The following MAPKBP1 variants were observed in gnomAD, a reference collection of about 807,000 sequenced individuals.
MAPKBP1 encodes the protein mitogen-activated protein kinase-binding protein 1.
In MAPKBP1, 71 loss-of-function variants were observed where a neutral mutation model predicts 170.5. The observed-to-expected ratio is 0.42, with a 90% CI of 0.34 to 0.51. MAPKBP1 has a LOEUF of 0.51. MAPKBP1 is among the 20% of genes least tolerant of loss of function. The pLI is 0.06. For missense variants in MAPKBP1, 1,598 were observed against 1,933.0 expected, an observed-to-expected ratio of 0.83 and a Z score of 3.25; for synonymous variants, 719 against 757.9, an observed-to-expected ratio of 0.95 and a Z score of 0.84.
intron 2 of MAPKBP1, among the ~76,000 whole-genome samples, chr15:41,793,299 A>G (rs529653080): frequency 6.6e-6 from 1 of 152,234 alleles, no homozygotes; most frequent in South Asian, 2.1e-4. Context: ...CATACTGGCT[A>G]ACACGGTGAA....
rs986878024 is a variant in MAPKBP1 at position 41,809,604 on chromosome 15, G to A, written c.207-1279G>A. 2.6e-5 allele frequency among the ~76,000 whole-genome samples: 4 copies of A among 152,326 alleles called. No homozygotes were observed. In the South Asian group the frequency reaches 8.3e-4, roughly 32 times the overall value. ...TGCCTTTCCTATTCGCAGTCTCCAGGCTTGCTCTTGTCTGCTATTTCCAGT... is the reference window on the plus strand; with the variant it reads ...TGCCTTTCCTATTCGCAGTCTCCAGACTTGCTCTTGTCTGCTATTTCCAGT... On this transcript the variant is annotated intron_variant, in intron 3 of 30. Coordinates refer to ENST00000457542, the MANE Select transcript of MAPKBP1 (RefSeq NM_014994.3).
chr15:41,813,632 C>G lies in MAPKBP1; in HGVS notation c.831C>G (p.Ala277=), dbSNP rs774738682. ...CACTCTGCCCACAGACCACAGTGGC[C>G]CACTGCATCTCTGTGAGCCAAGACT... The part of the protein sequence containing the change: ...DKWVELRTTV[A]HCISVSQDYI... Residue 277 remains alanine, a synonymous_variant, in exon 9 of 31, where the codon GCC becomes GCG. Coordinates refer to ENST00000457542, the MANE Select transcript of MAPKBP1 (RefSeq NM_014994.3). 3.7e-6 allele frequency: 6 copies of G among 1,613,918 alleles called. No homozygotes were observed. The South Asian group carries it at 5.5e-5, about 15-fold the overall frequency.
chr15:41,821,821 G>A (rs1406978632), intron 24 of MAPKBP1, 71 bp downstream of exon 24: 8 of 1,596,574 alleles, frequency 5.0e-6, no homozygotes, highest in Non-Finnish European at 6.0e-6. Context: ...TTAGTCGAGG[G>A]AGGGTTGGCC....
intron 2 of MAPKBP1, among the ~76,000 whole-genome samples, chr15:41,786,473 T>C (rs1182162163): frequency 6.6e-6 from 1 of 151,968 alleles, no homozygotes; most frequent in African/African-American, 2.4e-5. Flanking sequence ...TTGAAAAATA[T>C]ATCTGGTATA....
intron 2 of MAPKBP1, among the ~76,000 whole-genome samples, chr15:41,783,278 CTT>C (rs1017210661): frequency 1.6e-4 from 25 of 152,168 alleles, no homozygotes; most frequent in African/African-American, 6.0e-4. Flanking sequence ...TTTGTTATCT[CTT>C]GTTAGCATAC....
intron 2 of MAPKBP1, among the ~76,000 whole-genome samples, chr15:41,792,602 T>G (rs1035076485): frequency 6.6e-5 from 10 of 152,164 alleles, no homozygotes; most frequent in African/African-American, 2.4e-4. Context: ...GAAGCAGTGT[T>G]CCTAGAGCTG....
At position 41,826,800 on chromosome 15, in the gene MAPKBP1, T is replaced by C. The variant is rs1395568139; in HGVS notation, c.*1364T>C. The stretch of plus-strand genomic sequence containing the variant: ...AAGTTAGAATGTAAAAGGGCAGTAA[T>C]TAGGGGTGAGGGAAAGGAGATAGGG... On this transcript the variant is annotated 3_prime_UTR_variant, in exon 31 of 31. Transcript: ENST00000457542. 1 of 151,868 alleles carries C rather than the reference T, an allele frequency of 6.6e-6. No homozygotes were observed. The highest frequency in any genetic ancestry group is 6.6e-5 in the Admixed American group (1 of 15,212). 9.4% of individuals were successfully genotyped at this position (151,868 alleles called of 1,614,324 possible). A position where few individuals can be genotyped will look rare whatever the true frequency, so the allele number is the denominator to read the frequency against.
At position 41,825,576 on chromosome 15, in the gene MAPKBP1, G is replaced by A. The variant is rs879182251; in HGVS notation, c.*140G>A. The A allele has an allele frequency of 7.6e-6, 5 of 657,716 alleles. No individual in the cohort carries two copies. The highest frequency in any genetic ancestry group is 1.0e-5 in the Non-Finnish European group (4 of 399,312). 40.7% of individuals were successfully genotyped at this position (657,716 alleles called of 1,614,324 possible). ...CAGAGGCAAAGCAGCCTTCCCAGCC[G>A]CTCCTCGTGGGGGGCCTGTATTTAT... On this transcript the variant is annotated 3_prime_UTR_variant, in exon 31 of 31. Transcript: ENST00000457542.
intron 3 of MAPKBP1, among the ~76,000 whole-genome samples, chr15:41,807,695 G>T (rs1214196810): frequency 6.6e-6 from 1 of 152,138 alleles, no homozygotes; most frequent in African/African-American, 2.4e-5. Context: ...GATAGTGGCA[G>T]GCCTGGGGCT....
Position 41,775,409 on chromosome 15 carries a change from A to C in MAPKBP1, c.114+20A>C. 1 of 1,582,736 alleles carries C rather than the reference A, an allele frequency of 6.3e-7. No homozygotes were observed. Among genetic ancestry groups the C allele is most frequent in the Non-Finnish European group, 8.7e-7 (1 of 1,151,522 alleles). On this transcript the variant is annotated intron_variant, in intron 2 of 30. Transcript: ENST00000457542. The stretch of plus-strand genomic sequence containing the variant: ...TCCAAGGTGAGTCCTGTTGGGATCC[A>C]CCTCTTTCCAAACCCACCCTCTCCT...
At chr15:41,812,752 C>A in intron 7 of MAPKBP1, 99 bp downstream of exon 7, 6 of 1,480,862 alleles carry the variant, frequency 4.1e-6, no homozygotes, top group Non-Finnish European at 5.4e-6. Context: ...TCTCTGCATT[C>A]CCAGCAGTCA....
chr15:41,786,420 AT>A (rs1216504746), intron 2 of MAPKBP1, among the ~76,000 whole-genome samples: 1 of 152,178 alleles, frequency 6.6e-6, no homozygotes, highest in African/African-American at 2.4e-5. Context: ...AAAATTTAAA[AT>A]CCGTATGCTC....
intron 2 of MAPKBP1, among the ~76,000 whole-genome samples, chr15:41,780,587 G>T (rs1412088805): frequency 6.6e-6 from 1 of 152,186 alleles, no homozygotes; most frequent in Non-Finnish European, 1.5e-5. Context: ...TGTTCCCACT[G>T]CTCCAGGCTA....
intron 2 of MAPKBP1, among the ~76,000 whole-genome samples, chr15:41,777,291 AG>A (rs1306732731): frequency 1.3e-5 from 2 of 151,480 alleles, no homozygotes; most frequent in Non-Finnish European, 2.9e-5. Flanking sequence ...CAGTGAGCTC[AG>A]ATCCTGCCAG....
In MAPKBP1 at chr15:41,819,318, G is replaced by A; in HGVS notation, c.2364G>A (p.Glu788=). 6.2e-7 allele frequency: 1 copy of A among 1,614,218 alleles called. No individual in the cohort carries two copies. The change falls in exon 21 of 31, where the codon GAG becomes GAA. Residue 788 remains glutamate (E), a synonymous_variant. Coordinates refer to ENST00000457542, the MANE Select transcript of MAPKBP1 (RefSeq NM_014994.3). ...SSDSDKEGED[E]GTEEELPALP... Reference sequence around the variant, plus strand: ...ACAGTGACAAGGAGGGAGAAGATGAGGGGACTGAAGAAGAACTTCCAGCAC... The same window carrying A: ...ACAGTGACAAGGAGGGAGAAGATGAAGGGACTGAAGAAGAACTTCCAGCAC...
Position 41,808,158 on chromosome 15 carries a change from G to A in MAPKBP1, c.207-2725G>A, listed in dbSNP as rs367652090. 5.7e-4 allele frequency among the ~76,000 whole-genome samples: 79 copies of A among 138,466 alleles called. 1 individual carries two copies. In the East Asian group the frequency reaches 0.015, roughly 26 times the overall value. 90.8% of individuals were successfully genotyped at this position (138,466 alleles called of 152,430 possible). On this transcript the variant is annotated intron_variant, in intron 3 of 30. Transcript: ENST00000457542. Reference sequence around the variant, plus strand: ...GTCTCGCTCTGTCACCCAGGCTGGAGTGCCATGGCGTGATTTTGGCTTGCT... The same window carrying A: ...GTCTCGCTCTGTCACCCAGGCTGGAATGCCATGGCGTGATTTTGGCTTGCT...
At chr15:41,824,698 G>A (rs571089342) in intron 30 of MAPKBP1, 129 bp downstream of exon 30, 4 of 951,416 alleles carry the variant, frequency 4.2e-6, no homozygotes, top group East Asian at 5.3e-5. Context: ...GAACATCTTG[G>A]GCAGCATAGG....
intron 5 of MAPKBP1, chr15:41,811,629 T>C (rs1408639759): frequency 1.6e-6 from 1 of 614,104 alleles, no homozygotes; most frequent in Non-Finnish European, 3.0e-6. Context: ...CCTGGCGGCG[T>C]AGTCTTACTA....
Position 41,821,847 on chromosome 15 carries a change from G to A in MAPKBP1, c.2885+97G>A, listed in dbSNP as rs2065003529. The A allele has an allele frequency of 3.8e-6, 6 of 1,579,598 alleles. No homozygotes were observed. The East Asian group carries it at 1.1e-4, about 30-fold the overall frequency. On this transcript the variant is annotated intron_variant, in intron 24 of 30. Transcript: ENST00000457542. ...AGGGTTGGCCCCCAGGATACTCAGG[G>A]CTTTCCTTCCAGCTCACCACTGCCT...
Sources: gnomAD v4.1 joint callset for allele counts (sites outside exome capture counted in the v4.1 genomes callset) on GRCh38, gnomAD v4.1.1 for gene constraint, MANE v1.5 for transcripts, NCBI Gene and HGNC (gene_info 2026-07-23, HGNC 2026-07-21) for gene names.